The following CACNA2D3 variants were observed in gnomAD, a reference collection of about 807,000 sequenced individuals.
CACNA2D3 encodes calcium voltage-gated channel auxiliary subunit alpha2delta 3.
A neutral mutation model predicts 160.6 loss-of-function variants in CACNA2D3; 60 were observed. The observed-to-expected ratio is 0.37, with a 90% CI of 0.30 to 0.46. The LOEUF is 0.46. Among genes scored for constraint, CACNA2D3 ranks in the 20% least tolerant of loss-of-function variants. The pLI, the probability that CACNA2D3 is intolerant of heterozygous loss-of-function variation, is 1.00. For synonymous variants in CACNA2D3, 558 were observed against 492.9 expected, an observed-to-expected ratio of 1.13 and a Z score of -1.75; for missense variants, 1,205 against 1,365.0, an observed-to-expected ratio of 0.88 and a Z score of 1.85.
In CACNA2D3 at chr3:54,528,269, T is replaced by TAAA. The variant is rs10660243; in HGVS notation, c.544+24623_544+24625dup. On this transcript the variant is annotated intron_variant, in intron 5 of 37. Coordinates refer to ENST00000474759, the MANE Select transcript of CACNA2D3 (RefSeq NM_018398.3). Reference sequence around the variant, plus strand: ...ATTGGGCACAGAATCACTTAACAGATAAAAAAAAAATGGGCATGAGAATAG... The same window carrying TAAA: ...ATTGGGCACAGAATCACTTAACAGATAAAAAAAAAAAAATGGGCATGAGAATAG... Among the ~76,000 whole-genome samples the TAAA allele has an allele frequency of 6.2e-3, 929 of 150,522 alleles. 5 individuals are homozygous for TAAA. Among genetic ancestry groups the TAAA allele is most frequent in the Non-Finnish European group, 9.9e-3 (669 of 67,628 alleles).
chr3:54,742,862 C>T (rs763396096), intron 11 of CACNA2D3, among the ~76,000 whole-genome samples: 2 of 152,134 alleles, frequency 1.3e-5, no homozygotes, highest in African/African-American at 2.4e-5. Flanking sequence ...TTTTCTGGTC[C>T]CTGACTATGA....
intron 2 of CACNA2D3, among the ~76,000 whole-genome samples, chr3:54,269,911 A>G (rs1020830987): frequency 1.3e-5 from 2 of 152,200 alleles, no homozygotes; most frequent in African/African-American, 4.8e-5. Flanking sequence ...ACCTTAATAC[A>G]TGGTCTCTGT....
intron 4 of CACNA2D3, among the ~76,000 whole-genome samples, chr3:54,444,532 A>G (rs973470834): frequency 7.9e-5 from 12 of 152,024 alleles, no homozygotes; most frequent in Non-Finnish European, 1.3e-4. Context: ...AAACTGCTCT[A>G]TTTTTGGTTT....
At chr3:54,554,507 G>A (rs1702209440) in intron 5 of CACNA2D3, among the ~76,000 whole-genome samples, 1 of 152,172 alleles carries the variant, frequency 6.6e-6, no homozygotes, top group South Asian at 2.1e-4. Context: ...AACTGCTGCG[G>A]GTGGGGAGTT....
At chr3:54,614,366 G>A (rs1237284807) in intron 9 of CACNA2D3, among the ~76,000 whole-genome samples, 1 of 152,180 alleles carries the variant, frequency 6.6e-6, no homozygotes, top group East Asian at 1.9e-4. Flanking sequence ...TCATCAAATT[G>A]TTCTAATGCC....
At chr3:54,471,438 A>G (rs141993364) in intron 4 of CACNA2D3, among the ~76,000 whole-genome samples, 1,761 of 152,342 alleles carry the variant, frequency 0.012, 28 homozygotes, top group African/African-American at 0.04. Flanking sequence ...AAATGCCCAC[A>G]GGAGAAAGCA....
At chr3:54,466,167 C>G (rs141511896) in intron 4 of CACNA2D3, among the ~76,000 whole-genome samples, 1 of 152,188 alleles carries the variant, frequency 6.6e-6, no homozygotes, top group Non-Finnish European at 1.5e-5. Flanking sequence ...ACTTTAATTT[C>G]ATCTGCAAAA....
chr3:54,767,002 C>G (rs554916376), intron 13 of CACNA2D3, among the ~76,000 whole-genome samples: 1 of 150,940 alleles, frequency 6.6e-6, no homozygotes, highest in Non-Finnish European at 1.5e-5. Flanking sequence ...TGGTTACCAA[C>G]AGAACTATCA....
chr3:54,159,820 T>C (rs1045541438), intron 2 of CACNA2D3, among the ~76,000 whole-genome samples: 4 of 152,148 alleles, frequency 2.6e-5, no homozygotes. Flanking sequence ...TTGGGGGAGA[T>C]AGACTTTATA....
chr3:54,967,383 AT>A lies in CACNA2D3; in HGVS notation c.2450-1059del, dbSNP rs568046283. 2.4e-3 allele frequency among the ~76,000 whole-genome samples: 369 copies of A among 152,034 alleles called. 2 individuals are homozygous for A. The highest frequency in any genetic ancestry group is 3.9e-3 in the Non-Finnish European group (262 of 67,970). ...GCAAAATTTTTAGAGTATTTAAGTGATTTTTTTTCTTACAATTGTGTATTTC... is the reference window on the plus strand; with the variant it reads ...GCAAAATTTTTAGAGTATTTAAGTGATTTTTTTCTTACAATTGTGTATTTC... On this transcript the variant is annotated intron_variant, in intron 27 of 37. Transcript: ENST00000474759.
chr3:54,314,716 T>C (rs1021821829), intron 2 of CACNA2D3, among the ~76,000 whole-genome samples: 2 of 152,244 alleles, frequency 1.3e-5, no homozygotes, highest in African/African-American at 2.4e-5. Flanking sequence ...CTTTTGAGAA[T>C]TTAGACAGCA....
chr3:54,764,229 C>A lies in CACNA2D3; in HGVS notation c.1258C>A (p.Gln420Lys). Residue 420 changes from glutamine to lysine, a missense_variant, in exon 13 of 38, where the codon CAG becomes AAG. Gln to Lys is a moderately conservative substitution (Grantham distance 53). This residue lies in a region of CACNA2D3 where 911 missense variants were observed against 1,002.2 expected (regional missense o/e 0.91). Coordinates refer to ENST00000474759, the MANE Select transcript of CACNA2D3 (RefSeq NM_018398.3). ...MACANKGFFT[Q>K]ISTLADVQEN... ...TTGGGTTTTGACAGGATTTTTTACC[C>A]AGATCTCCACCTTGGCTGATGTGCA... is the stretch of plus-strand genomic sequence containing the variant. 1 of 1,613,138 alleles carries A rather than the reference C, an allele frequency of 6.2e-7. No homozygotes were observed. The highest frequency in any genetic ancestry group is 8.5e-7 in the Non-Finnish European group (1 of 1,179,620).
chr3:54,226,875 C>T (rs1372932959), intron 2 of CACNA2D3, among the ~76,000 whole-genome samples: 1 of 152,178 alleles, frequency 6.6e-6, no homozygotes, highest in Non-Finnish European at 1.5e-5. Flanking sequence ...TCTACAGTTC[C>T]TCCAAATACA....
chr3:54,924,774 A>G, intron 27 of CACNA2D3: 19 of 1,614,090 alleles, frequency 1.2e-5, no homozygotes, highest in Non-Finnish European at 1.6e-5. Context: ...AACCGCAAGT[A>G]TAGTTAGGTT....
In CACNA2D3 at chr3:54,675,264, G is replaced by A. The variant is rs978448271; in HGVS notation, c.1167+33023G>A. ...GACAGACAGACTTGGACAGCCAGAT[G>A]GAGCATGAAGGTGAAGATGAAGTTG... On this transcript the variant is annotated intron_variant, in intron 11 of 37. Coordinates refer to ENST00000474759, the MANE Select transcript of CACNA2D3 (RefSeq NM_018398.3). 2.6e-5 allele frequency among the ~76,000 whole-genome samples: 4 copies of A among 152,170 alleles called. No individual in the cohort carries two copies. The South Asian group carries it at 8.3e-4, about 32-fold the overall frequency.
chr3:55,003,498 T>C (rs567631537), intron 31 of CACNA2D3, among the ~76,000 whole-genome samples: 1 of 152,248 alleles, frequency 6.6e-6, no homozygotes, highest in Admixed American at 6.5e-5. Flanking sequence ...AAAATTTATT[T>C]TAATATGGAC....
chr3:54,761,522 T>C (rs1702081120), intron 12 of CACNA2D3, among the ~76,000 whole-genome samples: 3 of 152,218 alleles, frequency 2.0e-5, no homozygotes, highest in Admixed American at 1.3e-4. Flanking sequence ...GCAATCCTTT[T>C]TAAAACCTGT....
At chr3:54,510,488 C>G (rs189420151) in intron 5 of CACNA2D3, among the ~76,000 whole-genome samples, 1 of 151,984 alleles carries the variant, frequency 6.6e-6, no homozygotes, top group Non-Finnish European at 1.5e-5. Context: ...ACAGGTGATT[C>G]TTTCCCAAAA....
intron 4 of CACNA2D3, among the ~76,000 whole-genome samples, chr3:54,409,782 C>T (rs999634798): frequency 2.0e-5 from 3 of 152,192 alleles, no homozygotes; most frequent in African/African-American, 7.2e-5. Flanking sequence ...AAGGCCCTTA[C>T]TCTTTTCAGT....
Sources: allele counts gnomAD v4.1 joint callset (sites outside exome capture counted in the v4.1 genomes callset), GRCh38; gene constraint gnomAD v4.1.1; regional missense constraint gnomAD v4.1.1; transcripts MANE v1.5; gene names NCBI Gene and HGNC (gene_info 2026-07-23, HGNC 2026-07-21).